RHEB: variants seen among roughly 807,000 people sequenced by gnomAD.
The protein encoded by RHEB is GTP-binding protein Rheb.
A neutral mutation model predicts 28.8 loss-of-function variants in RHEB; 2 were observed. That is an observed-to-expected ratio of 0.07 (90% CI 0.03 to 0.22). The LOEUF is 0.22. Ranked by LOEUF, RHEB falls within the 10% of genes least tolerant of loss-of-function variation. The probability of loss-of-function intolerance (pLI) is 1.00; values close to 1 mark genes in which losing one functional copy is unlikely to be tolerated. For missense variants in RHEB, 76 were observed against 219.9 expected, an observed-to-expected ratio of 0.35 and a Z score of 4.14; for synonymous variants, 69 against 77.3, an observed-to-expected ratio of 0.89 and a Z score of 0.56.
intron 1 of RHEB, among the ~76,000 whole-genome samples, chr7:151,508,697 C>G (rs1414932608): frequency 6.1e-5 from 9 of 148,660 alleles, no homozygotes; most frequent in Admixed American, 6.7e-5. Context: ...CGCTGTGTTG[C>G]CCAGGTTGTT....
chr7:151,505,762 G>A (rs1338768236), intron 1 of RHEB, among the ~76,000 whole-genome samples: 1 of 152,142 alleles, frequency 6.6e-6, no homozygotes, highest in Non-Finnish European at 1.5e-5. Flanking sequence ...ATCCACCAAT[G>A]GGTGATCAGA....
At chr7:151,519,391 C>T (rs1178763408) in intron 1 of RHEB, 69 bp downstream of exon 1, 1 of 1,188,898 alleles carries the variant, frequency 8.4e-7, no homozygotes, top group Non-Finnish European at 1.1e-6. Context: ...TTCGCAGGCC[C>T]GGCCGCGACC....
intron 1 of RHEB, among the ~76,000 whole-genome samples, chr7:151,504,124 T>C (rs1244353307): frequency 6.6e-6 from 1 of 152,164 alleles, no homozygotes; most frequent in African/African-American, 2.4e-5. Flanking sequence ...TCATGAAGCA[T>C]TTGGGCCAGT....
chr7:151,486,768 T>C (rs1252651921), intron 2 of RHEB, among the ~76,000 whole-genome samples: 3 of 152,152 alleles, frequency 2.0e-5, no homozygotes, highest in Non-Finnish European at 4.4e-5. Flanking sequence ...AGGGTGACAC[T>C]GGCCTGGATT....
chr7:151,477,165 A>T (rs1802285217), intron 4 of RHEB, among the ~76,000 whole-genome samples, 168 bp downstream of exon 4: 1 of 152,140 alleles, frequency 6.6e-6, no homozygotes, highest in South Asian at 2.1e-4. Flanking sequence ...CAGAACATCT[A>T]GTGGGCCATG....
At chr7:151,511,090 A>G (rs1802978872) in intron 1 of RHEB, among the ~76,000 whole-genome samples, 1 of 151,066 alleles carries the variant, frequency 6.6e-6, no homozygotes, top group Non-Finnish European at 1.5e-5. Context: ...AAAATAAAAA[A>G]TAAAAAAAAA....
chr7:151,474,864 T>C (rs1188903679), intron 4 of RHEB, among the ~76,000 whole-genome samples: 2 of 152,230 alleles, frequency 1.3e-5, no homozygotes, highest in African/African-American at 4.8e-5. Flanking sequence ...ATTCAGAAAG[T>C]TTTACTGACA....
chr7:151,471,646 T>C (rs563131304), intron 4 of RHEB, 41 bp from the exon 5 acceptor site: 1 of 1,341,194 alleles, frequency 7.5e-7, no homozygotes, highest in South Asian at 1.3e-5. Flanking sequence ...CATTTTAATG[T>C]TGAAGTTTTT....
chr7:151,490,836 G>A, intron 2 of RHEB, 107 bp downstream of exon 2: 1 of 849,704 alleles, frequency 1.2e-6, no homozygotes. Flanking sequence ...CCAATTGGGA[G>A]ACACACAGAA....
rs935633354 is a variant in RHEB at position 151,472,708 on chromosome 7, C to T, written c.276-1103G>A. 4.6e-5 allele frequency among the ~76,000 whole-genome samples: 7 copies of T among 152,142 alleles called. No homozygotes were observed. The highest frequency in any genetic ancestry group is 8.8e-5 in the Non-Finnish European group (6 of 68,036). On this transcript the variant is annotated intron_variant, in intron 4 of 7. Coordinates refer to ENST00000262187, the MANE Select transcript of RHEB (RefSeq NM_005614.4). This position sits in a 1 kb window ranked among gnomAD's most constrained non-coding sequence, Gnocchi z 5.2. ...TCTCCCACACCAGAAATAATAGGTC[C>T]GCAAGGGCAGGGATTTGTCTGCTTT...
In RHEB at chr7:151,518,399, C is replaced by T. The variant is rs187320606; in HGVS notation, c.52+1061G>A. On this transcript the variant is annotated intron_variant, in intron 1 of 7. Transcript: ENST00000262187. ...CCCCGTTCCGCAATCACGGGAGCCT[C>T]GGAACCCTCGCTTTCACCTCCCCAT... Among the ~76,000 whole-genome samples, 340 of 152,276 alleles carry T rather than the reference C, an allele frequency of 2.2e-3. 1 individual carries two copies. Among genetic ancestry groups the T allele is most frequent in the African/African-American group, 7.8e-3 (326 of 41,538 alleles).
At chr7:151,471,342 G>C in intron 6 of RHEB, 52 bp downstream of exon 6, 2 of 1,130,078 alleles carry the variant, frequency 1.8e-6, no homozygotes, top group Non-Finnish European at 2.6e-6. Flanking sequence ...TAATTAAAAT[G>C]ATACTTCAGT....
rs1286677350 is a variant in RHEB at position 151,487,620 on chromosome 7, C to G, written c.125-2816G>C. Among the ~76,000 whole-genome samples the G allele has an allele frequency of 1.3e-5, 2 of 152,080 alleles. 1 individual carries two copies. ...CAGTAAAATGAAAAAGACCTTCCAT[C>G]TTGCTGTCATAGGAAAACTGCCAGT... On this transcript the variant is annotated intron_variant, in intron 2 of 7. Coordinates refer to ENST00000262187, the MANE Select transcript of RHEB (RefSeq NM_005614.4).
chr7:151,519,411 G>GGCGAGGCCCCGGCGGCGCGAGGAGGCC, intron 1 of RHEB, 49 bp downstream of exon 1: 3 of 1,336,714 alleles, frequency 2.2e-6, no homozygotes, highest in Non-Finnish European at 2.9e-6. Flanking sequence ...CCGGCTCCCA[G>GGCGAGGCCCCGGCGGCGCGAGGAGGCC]GCGAGGCCCC....
Position 151,468,142 on chromosome 7 carries a change from C to T in RHEB, c.463-931G>A, listed in dbSNP as rs539934318. On this transcript the variant is annotated intron_variant, in intron 7 of 7. Coordinates refer to ENST00000262187, the MANE Select transcript of RHEB (RefSeq NM_005614.4). This position sits in a 1 kb window ranked among gnomAD's most constrained non-coding sequence, Gnocchi z 4.3. ...TCCCCCTCCCCCATCACTCCAGTGA[C>T]TTCCACTATCCCACGAAACCAGAAC... Among the ~76,000 whole-genome samples the T allele has an allele frequency of 2.0e-5, 3 of 152,286 alleles. No individual in the cohort carries two copies. The East Asian group carries it at 5.8e-4, about 29-fold the overall frequency.
intron 3 of RHEB, among the ~76,000 whole-genome samples, chr7:151,478,955 A>C (rs1356644004): frequency 6.6e-6 from 1 of 151,792 alleles, no homozygotes; most frequent in African/African-American, 2.4e-5. Flanking sequence ...TTTTTGAGAC[A>C]GTCTCATTCT....
At chr7:151,477,758 C>T (rs761452843) in intron 3 of RHEB, among the ~76,000 whole-genome samples, 5 of 152,158 alleles carry the variant, frequency 3.3e-5, no homozygotes, top group African/African-American at 4.8e-5. Context: ...CCTTCTAGAC[C>T]TCAGGACATT....
chr7:151,479,597 G>A (rs910486595), intron 3 of RHEB, among the ~76,000 whole-genome samples: 1 of 151,590 alleles, frequency 6.6e-6, no homozygotes, highest in African/African-American at 2.4e-5. Context: ...GCAGGAGAAT[G>A]GTGTGAACCT....
At chr7:151,504,668 A>G (rs1802835040) in intron 1 of RHEB, among the ~76,000 whole-genome samples, 1 of 152,228 alleles carries the variant, frequency 6.6e-6, no homozygotes, top group Admixed American at 6.5e-5. Context: ...CTAAGTAGCC[A>G]GACGCAAAAA....
Sources: gnomAD v4.1 joint callset for allele counts (sites outside exome capture counted in the v4.1 genomes callset) on GRCh38, gnomAD v4.1.1 for gene constraint, Gnocchi (gnomAD v3.1) non-coding constraint, MANE v1.5 for transcripts, NCBI Gene and HGNC (gene_info 2026-07-23, HGNC 2026-07-21) for gene names.